Variants in SGCD observed in about 807,000 individuals in gnomAD.
The protein encoded by SGCD is delta-sarcoglycan.
A neutral mutation model predicts 36.6 loss-of-function variants in SGCD; 18 were observed. The ratio of observed to expected loss-of-function variants is 0.49; its 90% CI spans 0.34 to 0.73. The LOEUF (loss-of-function observed/expected upper bound fraction) is 0.73, where lower values mean the gene tolerates loss of function less well. Among genes scored for constraint, SGCD ranks in the 30% least tolerant of loss-of-function variants. SGCD has a pLI of 0.01. For missense variants in SGCD, 387 were observed against 346.7 expected, an observed-to-expected ratio of 1.12 and a Z score of -0.92; for synonymous variants, 133 against 130.6, an observed-to-expected ratio of 1.02 and a Z score of -0.12.
At chr5:155,904,244 A>C (rs192102675) in intron 1 of SGCD, among the ~76,000 whole-genome samples, 52 of 152,302 alleles carry the variant, frequency 3.4e-4, no homozygotes, top group African/African-American at 1.2e-3. Context: ...TTCCCTGGCA[A>C]CCATATTGTA....
At chr5:156,382,997 A>G (rs1771065476) in intron 3 of SGCD, among the ~76,000 whole-genome samples, 1 of 152,216 alleles carries the variant, frequency 6.6e-6, no homozygotes, top group Admixed American at 6.5e-5. Flanking sequence ...AGTGTGTAAC[A>G]TGACCATCAG....
At chr5:156,578,498 C>T (rs924460478) in intron 4 of SGCD, among the ~76,000 whole-genome samples, 1 of 152,132 alleles carries the variant, frequency 6.6e-6, no homozygotes, top group Non-Finnish European at 1.5e-5. Context: ...GGTACCAGCT[C>T]CTCTTTGTAC....
chr5:156,673,056 A>C (rs1401532492), intron 7 of SGCD, among the ~76,000 whole-genome samples: 1 of 152,154 alleles, frequency 6.6e-6, no homozygotes, highest in Non-Finnish European at 1.5e-5. Context: ...CATTGACTGA[A>C]ATGTCTTCCA....
chr5:156,063,398 G>C (rs1314900421), intron 1 of SGCD, among the ~76,000 whole-genome samples: 1 of 77,606 alleles, frequency 1.3e-5, no homozygotes, highest in Admixed American at 1.2e-4. Flanking sequence ...TTTGGCTTAG[G>C]ATTGACTTGG....
intron 3 of SGCD, among the ~76,000 whole-genome samples, chr5:156,135,964 A>C (rs531269631): frequency 3.3e-5 from 5 of 152,314 alleles, no homozygotes; most frequent in Admixed American, 2.6e-4. Flanking sequence ...TGTAACAAAA[A>C]ATGTAACACA....
At chr5:156,241,251 C>CGTGTGTGTGTGTGTGTGTGTGT (rs60843726) in intron 3 of SGCD, among the ~76,000 whole-genome samples, 1 of 145,060 alleles carries the variant, frequency 6.9e-6, no homozygotes. Context: ...TAGACCAAAA[C>CGTGTGTGTGTGTGTGTGTGTGT]GTGTGTGTGT....
the SGCD span, among the ~76,000 whole-genome samples, chr5:155,824,611 T>G: frequency 6.6e-6 from 1 of 152,200 alleles, no homozygotes; most frequent in Non-Finnish European, 1.5e-5. Context: ...CACATGCATT[T>G]CTTCCTCCAA....
intron 6 of SGCD, among the ~76,000 whole-genome samples, chr5:156,646,873 T>C (rs1002623216): frequency 2.6e-5 from 4 of 152,144 alleles, no homozygotes; most frequent in African/African-American, 4.8e-5. Flanking sequence ...AATGTCTAGA[T>C]TGGGTTTGGG....
At chr5:156,729,578 C>G in intron 7 of SGCD, among the ~76,000 whole-genome samples, 1 of 152,188 alleles carries the variant, frequency 6.6e-6, no homozygotes, top group South Asian at 2.1e-4. Context: ...ATGAATATTA[C>G]TAAATGATAT....
chr5:155,843,161 A>G, the SGCD span, among the ~76,000 whole-genome samples: 2 of 152,240 alleles, frequency 1.3e-5, no homozygotes, highest in Non-Finnish European at 2.9e-5. Flanking sequence ...GTCTAGGTAT[A>G]AGGTAAAAAA....
At chr5:155,728,152 C>T in the SGCD span, among the ~76,000 whole-genome samples, 1 of 152,152 alleles carries the variant, frequency 6.6e-6, no homozygotes. Flanking sequence ...CTCTAACGCG[C>T]GACTGTGCAG....
chr5:156,269,498 A>C (rs1431759224), intron 3 of SGCD, among the ~76,000 whole-genome samples: 18 of 146,470 alleles, frequency 1.2e-4, no homozygotes, highest in African/African-American at 3.6e-4. Context: ...AAAAAAAAAA[A>C]AAAAAAAAAA....
At chr5:155,775,328 C>T in the SGCD span, among the ~76,000 whole-genome samples, 1 of 152,044 alleles carries the variant, frequency 6.6e-6, no homozygotes, top group South Asian at 2.1e-4. Flanking sequence ...CAGTCTATTT[C>T]ATAGAGCACA....
At chr5:156,579,897 A>C (rs969269471) in intron 4 of SGCD, among the ~76,000 whole-genome samples, 2 of 152,024 alleles carry the variant, frequency 1.3e-5, no homozygotes, top group Admixed American at 6.6e-5. Context: ...TTAACTGGGG[A>C]ATTTAGCCCA....
intron 7 of SGCD, among the ~76,000 whole-genome samples, chr5:156,742,993 T>A (rs2113095878): frequency 6.6e-6 from 1 of 152,282 alleles, no homozygotes; most frequent in African/African-American, 2.4e-5. Context: ...TACCTGTGGT[T>A]TAGTCAAGTT....
chr5:156,238,068 C>T (rs1442046656), intron 3 of SGCD, among the ~76,000 whole-genome samples: 2 of 151,874 alleles, frequency 1.3e-5, no homozygotes, highest in East Asian at 3.9e-4. Flanking sequence ...CCACCTCCCT[C>T]CTGAGTAACT....
At chr5:156,103,199 T>C (rs1197947932) in intron 1 of SGCD, among the ~76,000 whole-genome samples, 1 of 152,140 alleles carries the variant, frequency 6.6e-6, no homozygotes, top group Non-Finnish European at 1.5e-5. Flanking sequence ...TCAGAATAAT[T>C]AGAAGAGTTG....
rs181494046 is a variant in SGCD at position 156,150,362 on chromosome 5, A to G, written c.-44+26343A>G. Among the ~76,000 whole-genome samples, 263 of 151,522 alleles carry G rather than the reference A, an allele frequency of 1.7e-3. 11 individuals carry two copies. Among genetic ancestry groups the G allele is most frequent in the African/African-American group, 6.1e-3 (251 of 40,918 alleles). The stretch of plus-strand genomic sequence containing the variant: ...TTTAACAGACCTTCATTAACCCCCT[A>G]CACTAGTCTGCTTCCATCCCCTTTG... On this transcript the variant is annotated intron_variant, in intron 3 of 9. Transcript: ENST00000517913.
At chr5:156,313,570 A>G (rs902800254) in intron 3 of SGCD, among the ~76,000 whole-genome samples, 1 of 152,100 alleles carries the variant, frequency 6.6e-6, no homozygotes, top group African/African-American at 2.4e-5. Flanking sequence ...ACAAAACATT[A>G]TATCCATAAG....
Sources: allele counts gnomAD v4.1 joint callset (sites outside exome capture counted in the v4.1 genomes callset), GRCh38; gene constraint gnomAD v4.1.1; transcripts MANE v1.5; gene names NCBI Gene and HGNC (gene_info 2026-07-23, HGNC 2026-07-21).